Variants in KSR2 observed in about 807,000 individuals in gnomAD.
KSR2 encodes the protein kinase suppressor of ras 2.
In KSR2, 25 loss-of-function variants were observed where a neutral mutation model predicts 107.8. The ratio of observed to expected loss-of-function variants is 0.23; its 90% confidence interval spans 0.17 to 0.32. The LOEUF (loss-of-function observed/expected upper bound fraction) is 0.32. Among genes scored for constraint, KSR2 ranks in the 10% least tolerant of loss-of-function variants. KSR2 has a pLI of 1.00. For synonymous variants in KSR2, 480 were observed against 507.0 expected (o/e 0.95, Z 0.71); for missense variants, 887 against 1,268.9 (o/e 0.70, Z 4.57).
At chr12:117,543,787 C>T (rs1405345998) in intron 9 of KSR2, among the ~76,000 whole-genome samples, 1 of 152,202 alleles carries the variant, frequency 6.6e-6, no homozygotes, top group Non-Finnish European at 1.5e-5. Flanking sequence ...AGTCCCAAGT[C>T]AAAGTATTGG....
chr12:117,482,776 G>A (rs1049104459), intron 16 of KSR2, among the ~76,000 whole-genome samples: 58 of 152,276 alleles, frequency 3.8e-4, no homozygotes, highest in African/African-American at 1.3e-3. Flanking sequence ...CCACCTCAGG[G>A]ACAAGCCACT....
chr12:117,685,815 T>C (rs1208430421), intron 4 of KSR2, among the ~76,000 whole-genome samples: 1 of 152,198 alleles, frequency 6.6e-6, no homozygotes, highest in Non-Finnish European at 1.5e-5. Flanking sequence ...ATAAGATCAC[T>C]GGACAGAGAA....
intron 7 of KSR2, among the ~76,000 whole-genome samples, chr12:117,577,288 A>G (rs10850844): frequency 6.6e-6 from 1 of 152,206 alleles, no homozygotes; most frequent in Admixed American, 6.5e-5. Context: ...TAACTATTAC[A>G]TAAAGTTGAC....
intron 4 of KSR2, among the ~76,000 whole-genome samples, chr12:117,695,583 C>T (rs867089520): frequency 3.3e-5 from 5 of 150,720 alleles, no homozygotes; most frequent in African/African-American, 9.7e-5. Flanking sequence ...GGGTGGCACA[C>T]ACCTGTAGTC....
chr12:117,911,373 A>C (rs1332989014), intron 1 of KSR2, among the ~76,000 whole-genome samples: 14 of 152,170 alleles, frequency 9.2e-5, no homozygotes. Context: ...ATGTTCAGGC[A>C]GCTGCTGTTC....
intron 1 of KSR2, among the ~76,000 whole-genome samples, chr12:117,949,265 A>C (rs1896288761): frequency 6.6e-6 from 1 of 152,008 alleles, no homozygotes; most frequent in East Asian, 1.9e-4. Context: ...ATTGGACTTT[A>C]TCATACCTTA....
rs1884716511 is a variant in KSR2 at position 117,667,587 on chromosome 12, G to C, written c.1058C>G (p.Ser353Cys). ...SSVGSCENIP[S>C]QQRSPLLSER... Reference sequence around the variant, plus strand: ...GGACAGCAGCGGGGAGCGCTGCTGAGAGGGGATGTTCTCGCAGCTGCCTAC... The same window carrying C: ...GGACAGCAGCGGGGAGCGCTGCTGACAGGGGATGTTCTCGCAGCTGCCTAC... Residue 353 changes from serine (S) to cysteine (C), a missense_variant, in exon 5 of 20, where the codon TCT becomes TGT. Physicochemically the swap from Ser to Cys is moderately radical, Grantham distance 112 (BLOSUM62 -1). Coordinates refer to ENST00000339824, the MANE Select transcript of KSR2 (RefSeq NM_173598.6). The C allele has an allele frequency of 1.2e-6, 2 of 1,613,230 alleles. No homozygotes were observed. Among genetic ancestry groups the C allele is most frequent in the Non-Finnish European group, 1.7e-6 (2 of 1,179,678 alleles).
At chr12:117,785,474 C>A (rs1347723893) in intron 3 of KSR2, among the ~76,000 whole-genome samples, 1 of 140,826 alleles carries the variant, frequency 7.1e-6, no homozygotes, top group African/African-American at 2.6e-5. Flanking sequence ...CTGAGATGAG[C>A]CAGATATTAG....
chr12:117,793,479 AC>A (rs1384905543), intron 3 of KSR2, among the ~76,000 whole-genome samples: 5 of 146,052 alleles, frequency 3.4e-5, no homozygotes, highest in Non-Finnish European at 7.5e-5. Flanking sequence ...CAACATGCAC[AC>A]TCACATCAAC....
At chr12:117,892,198 G>A (rs1894367474) in intron 1 of KSR2, among the ~76,000 whole-genome samples, 1 of 152,054 alleles carries the variant, frequency 6.6e-6, no homozygotes, top group East Asian at 1.9e-4. Flanking sequence ...AGCTATTCAG[G>A]AGGCTGAGGG....
At chr12:117,596,281 T>C (rs1270013628) in intron 5 of KSR2, among the ~76,000 whole-genome samples, 1 of 152,134 alleles carries the variant, frequency 6.6e-6, no homozygotes, top group Non-Finnish European at 1.5e-5. Context: ...TCATGATTCT[T>C]ATTCACTATT....
chr12:117,575,864 T>C (rs541774698), intron 7 of KSR2, among the ~76,000 whole-genome samples: 47 of 152,360 alleles, frequency 3.1e-4, no homozygotes, highest in Non-Finnish European at 5.9e-4. Flanking sequence ...CCAACAGCCC[T>C]GTGGTGGGCA....
At chr12:117,950,975 G>A (rs1266414401) in intron 1 of KSR2, among the ~76,000 whole-genome samples, 7 of 151,592 alleles carry the variant, frequency 4.6e-5, no homozygotes, top group Admixed American at 2.0e-4. Flanking sequence ...GTGCAGTGGC[G>A]CGATCTCGAC....
At chr12:117,934,417 T>G (rs777328633) in intron 1 of KSR2, among the ~76,000 whole-genome samples, 2 of 152,140 alleles carry the variant, frequency 1.3e-5, no homozygotes, top group Non-Finnish European at 2.9e-5. Flanking sequence ...GGTGATAAAA[T>G]GCAAGTGTGG....
At chr12:117,683,321 T>C (rs1177522073) in intron 4 of KSR2, among the ~76,000 whole-genome samples, 1 of 152,104 alleles carries the variant, frequency 6.6e-6, no homozygotes, top group African/African-American at 2.4e-5. Context: ...CAGAGTCAAC[T>C]GTTATTTAAT....
chr12:117,657,714 T>C (rs764598511), intron 5 of KSR2, among the ~76,000 whole-genome samples: 16 of 152,220 alleles, frequency 1.1e-4, no homozygotes, highest in Non-Finnish European at 2.1e-4. Flanking sequence ...CTTTGTCCTT[T>C]GCCATCTAGG....
intron 1 of KSR2, among the ~76,000 whole-genome samples, chr12:117,919,166 C>T (rs150166517): frequency 5.5e-4 from 83 of 152,250 alleles, no homozygotes; most frequent in African/African-American, 1.8e-3. Flanking sequence ...AACAAACAAA[C>T]CTTTTCTAGT....
At chr12:117,810,072 GC>G (rs1891142740) in intron 3 of KSR2, among the ~76,000 whole-genome samples, 1 of 152,114 alleles carries the variant, frequency 6.6e-6, no homozygotes, top group East Asian at 1.9e-4. Flanking sequence ...CTTTGCTGAG[GC>G]CCCCAGCCCT....
chr12:117,467,923 T>TTC (rs1279014302), intron 19 of KSR2: 1 of 108,184 alleles, frequency 9.2e-6, no homozygotes, highest in Non-Finnish European at 1.8e-5. Context: ...TCCTGTGTTT[T>TTC]TTTTTTTTTT....
Sources: allele counts gnomAD v4.1 joint callset (sites outside exome capture counted in the v4.1 genomes callset), GRCh38; gene constraint gnomAD v4.1.1; transcripts MANE v1.5; gene names NCBI Gene and HGNC (gene_info 2026-07-23, HGNC 2026-07-21).